The following IFFO1 variants were observed in gnomAD, a reference collection of about 807,000 sequenced individuals.
IFFO1 encodes the protein intermediate filament family orphan 1.
A neutral mutation model predicts 59.6 loss-of-function variants in IFFO1; 42 were observed. That is an observed-to-expected ratio of 0.70 (90% CI 0.55 to 0.91). The LOEUF is 0.91. IFFO1 is among the 40% of genes least tolerant of loss of function. The probability of loss-of-function intolerance (pLI) is 0.00; values close to 1 mark genes in which losing one functional copy is unlikely to be tolerated. For missense variants in IFFO1, 711 were observed against 793.2 expected (o/e 0.90, Z 1.24); for synonymous variants, 336 against 342.8 (o/e 0.98, Z 0.22).
chr12:6,540,556 C>T lies in IFFO1; in HGVS notation c.1643G>A (p.Ser548Asn). The change falls in exon 10 of 10, where the codon AGC becomes AAC. Residue 548 changes from serine (S) to asparagine (N), a missense_variant. By Grantham distance (46) the Ser-to-Asn change is conservative (BLOSUM62 1). This residue lies in a region of IFFO1 where 579 missense variants were observed against 650.3 expected (regional missense o/e 0.89). Transcript: ENST00000619571. ...KSPAFTAVPL[S>N]DPPPPPSEAE... ...CTCGCTTGGCGGCGGCGGCGGGTCGCTAAGCGGGACCGCAGTGAAAGCAGG... is the reference window on the plus strand; with the variant it reads ...CTCGCTTGGCGGCGGCGGCGGGTCGTTAAGCGGGACCGCAGTGAAAGCAGG... The T allele has an allele frequency of 6.2e-7, 1 of 1,613,930 alleles. No individual in the cohort carries two copies. The highest frequency in any genetic ancestry group is 8.5e-7 in the Non-Finnish European group (1 of 1,180,028).
intron 8 of IFFO1, among the ~76,000 whole-genome samples, chr12:6,546,405 G>A (rs1946964728): frequency 6.6e-6 from 1 of 152,266 alleles, no homozygotes; most frequent in Admixed American, 6.5e-5. Context: ...CACCAGGCCA[G>A]GAGAGCTCAC....
At position 6,555,046 on chromosome 12, in the gene IFFO1, C is replaced by T. The variant is rs958771143; in HGVS notation, c.773+211G>A. Among the ~76,000 whole-genome samples the T allele has an allele frequency of 6.6e-6, 1 of 152,254 alleles. No individual in the cohort carries two copies. The highest frequency in any genetic ancestry group is 1.5e-5 in the Non-Finnish European group (1 of 68,046). The stretch of plus-strand genomic sequence containing the variant: ...AGTAGGAATCCCCCCGTGTTCCGCT[C>T]CCAGCGTCCTTCTTCCTGTCACGAG... On this transcript the variant is annotated intron_variant, in intron 1 of 9. Coordinates refer to ENST00000619571, the MANE Select transcript of IFFO1 (RefSeq NM_001193457.2). This position sits in a 1 kb window ranked among gnomAD's most constrained non-coding sequence, Gnocchi z 8.6.
In IFFO1 at chr12:6,548,595, G is replaced by C. The variant is rs369602476; in HGVS notation, c.1263-50C>G. 8.7e-6 allele frequency: 14 copies of C among 1,613,216 alleles called. No homozygotes were observed. The East Asian group carries it at 1.6e-4, about 18-fold the overall frequency. ...AGGGCGGGCGGGGCCTCGTCCTGGCGGGGGACTGGGGAGCTCCGGCCTCCT... is the reference window on the plus strand; with the variant it reads ...AGGGCGGGCGGGGCCTCGTCCTGGCCGGGGACTGGGGAGCTCCGGCCTCCT... On this transcript the variant is annotated intron_variant, in intron 6 of 9. Transcript: ENST00000619571. The surrounding 1 kb of genome is among the most constrained non-coding windows in gnomAD (Gnocchi z 6.1).
chr12:6,552,475 A>T (rs897957710), intron 1 of IFFO1, among the ~76,000 whole-genome samples: 1 of 152,164 alleles, frequency 6.6e-6, no homozygotes, highest in African/African-American at 2.4e-5. Context: ...CACTAAGGGA[A>T]CCAGTCGCAT....
Position 6,548,634 on chromosome 12 carries a change from G to T in IFFO1, c.1262+34C>A, listed in dbSNP as rs752797648. 8 of 1,613,744 alleles carry T rather than the reference G, an allele frequency of 5.0e-6. No homozygotes were observed. In the South Asian group the frequency reaches 7.7e-5, roughly 16 times the overall value. ...CTCCGGCCTCCTGGGCTGCTGTGGC[G>T]TCGGTGCTGCGGGAGCACGGCCTGC... On this transcript the variant is annotated intron_variant, in intron 6 of 9. Transcript: ENST00000619571. This position sits in a 1 kb window ranked among gnomAD's most constrained non-coding sequence, Gnocchi z 6.1.
intron 3 of IFFO1, 148 bp downstream of exon 3, chr12:6,550,547 T>G: frequency 1.7e-6 from 1 of 601,882 alleles, no homozygotes. Flanking sequence ...TCTCTGGAGT[T>G]AGGGGTGGCT....
rs373663883 is a variant in IFFO1 at position 6,548,814 on chromosome 12, C to T, written c.1116G>A (p.Met372Ile). ...LHLSPIKVPS[M>I]GGRKRERKAA... The stretch of plus-strand genomic sequence containing the variant: ...CCTTGCGCTCCCGCTTCCGCCCCCC[C>T]ATGGATGGGACCTTAATGGGAGACA... Residue 372 changes from methionine to isoleucine, a missense_variant, in exon 6 of 10, where the codon ATG becomes ATA. By Grantham distance (10) the Met-to-Ile change is conservative. Transcript: ENST00000619571. The surrounding 1 kb of genome is among the most constrained non-coding windows in gnomAD (Gnocchi z 6.1). 1.5e-5 allele frequency: 24 copies of T among 1,612,896 alleles called. No homozygotes were observed. In the East Asian group the frequency reaches 2.7e-4, roughly 18 times the overall value.
rs753959914 is a variant in IFFO1 at position 6,548,998 on chromosome 12, C to T, written c.1081-149G>A. The T allele has an allele frequency of 1.9e-5, 13 of 681,076 alleles. No individual in the cohort carries two copies. Among genetic ancestry groups the T allele is most frequent in the African/African-American group, 1.8e-4 (10 of 55,378 alleles). 42.2% of individuals were successfully genotyped at this position (681,076 alleles called of 1,614,324 possible). On this transcript the variant is annotated intron_variant, in intron 5 of 9. Coordinates refer to ENST00000619571, the MANE Select transcript of IFFO1 (RefSeq NM_001193457.2). The surrounding 1 kb of genome is among the most constrained non-coding windows in gnomAD (Gnocchi z 6.1). ...AGTTACAATGACAGGAACAGAAACA[C>T]GGACAGTCACCAAGGGCCAGACACA...
intron 3 of IFFO1, chr12:6,550,114 C>CTGGCCAAACGGAAGCCCTGGAGGGCA (rs1265510831): frequency 4.4e-5 from 22 of 503,648 alleles, no homozygotes; most frequent in Non-Finnish European, 6.3e-5. Flanking sequence ...CCACTGCTCC[C>CTGGCCAAACGGAAGCCCTGGAGGGCA]TGGCCAAACG....
At chr12:6,547,624 G>A (rs547403561) in intron 8 of IFFO1, among the ~76,000 whole-genome samples, 2 of 152,142 alleles carry the variant, frequency 1.3e-5, no homozygotes, top group Non-Finnish European at 2.9e-5. Context: ...AGAAGGCTGG[G>A]GTGGGAGGAT....
chr12:6,549,958 G>A lies in IFFO1; in HGVS notation c.931-62C>T. On this transcript the variant is annotated intron_variant, in intron 3 of 9. Transcript: ENST00000619571. The surrounding 1 kb of genome is among the most constrained non-coding windows in gnomAD (Gnocchi z 5.0). ...CAGTTCTCCAGACAAGGACGAATTA[G>A]GCCTGGCAAGGTCCTCATCCTTCCC... 1 of 1,540,608 alleles carries A rather than the reference G, an allele frequency of 6.5e-7. No homozygotes were observed. Among genetic ancestry groups the A allele is most frequent in the Non-Finnish European group, 8.8e-7 (1 of 1,134,826 alleles).
Position 6,548,597 on chromosome 12 carries a change from G to A in IFFO1, c.1263-52C>T. ...GGCGGGCGGGGCCTCGTCCTGGCGGGGGACTGGGGAGCTCCGGCCTCCTGG... is the reference window on the plus strand; with the variant it reads ...GGCGGGCGGGGCCTCGTCCTGGCGGAGGACTGGGGAGCTCCGGCCTCCTGG... On this transcript the variant is annotated intron_variant, in intron 6 of 9. Coordinates refer to ENST00000619571, the MANE Select transcript of IFFO1 (RefSeq NM_001193457.2). The surrounding 1 kb of genome is among the most constrained non-coding windows in gnomAD (Gnocchi z 6.1). 1 of 1,613,508 alleles carries A rather than the reference G, an allele frequency of 6.2e-7. No individual in the cohort carries two copies. Among genetic ancestry groups the A allele is most frequent in the Non-Finnish European group, 8.5e-7 (1 of 1,179,618 alleles).
chr12:6,541,553 C>T lies in IFFO1; in HGVS notation c.1569G>A (p.Gln523=). 6.2e-7 allele frequency: 1 copy of T among 1,614,184 alleles called. No homozygotes were observed. Among genetic ancestry groups the T allele is most frequent in the Non-Finnish European group, 8.5e-7 (1 of 1,180,032 alleles). Residue 523 remains glutamine (Q), a synonymous_variant, in exon 9 of 10, where the codon CAG becomes CAA. Transcript: ENST00000619571. This position sits in a 1 kb window ranked among gnomAD's most constrained non-coding sequence, Gnocchi z 4.8. ...MCSMKRGLDV[Q]METCRRLITQ... is the part of the protein sequence containing the mutation. Reference sequence around the variant, plus strand: ...TGATGAGCCGGCGGCAGGTCTCCATCTGCACGTCCAGGCCGCGCTTCATGC... The same window carrying T: ...TGATGAGCCGGCGGCAGGTCTCCATTTGCACGTCCAGGCCGCGCTTCATGC...
Position 6,555,250 on chromosome 12 carries a change from T to C in IFFO1, c.773+7A>G, listed in dbSNP as rs764436766. Reference sequence around the variant, plus strand: ...AGAGAGACCTGTCCCCCTTTCCCAATCCCTACCTCCGCTTGTACTCGTCCC... The same window carrying C: ...AGAGAGACCTGTCCCCCTTTCCCAACCCCTACCTCCGCTTGTACTCGTCCC... On this transcript the variant is annotated splice_region_variant and intron_variant, in intron 1 of 9. Transcript: ENST00000619571. The surrounding 1 kb of genome is among the most constrained non-coding windows in gnomAD (Gnocchi z 8.6). The C allele has an allele frequency of 3.7e-6, 6 of 1,613,734 alleles. No individual in the cohort carries two copies. In the African/African-American group the frequency reaches 8.0e-5, roughly 22 times the overall value.
In IFFO1 at chr12:6,548,368, G is replaced by A; in HGVS notation, c.1383+57C>T. The A allele has an allele frequency of 6.4e-7, 1 of 1,567,184 alleles. No homozygotes were observed. The highest frequency in any genetic ancestry group is 8.7e-7 in the Non-Finnish European group (1 of 1,155,386). On this transcript the variant is annotated intron_variant, in intron 7 of 9. Transcript: ENST00000619571. This position sits in a 1 kb window ranked among gnomAD's most constrained non-coding sequence, Gnocchi z 6.1. Reference sequence around the variant, plus strand: ...AGAGCAAGGAGAGGAGCGGGGGAGTGGGCTTCAGGCTGGAGAGGCAGAGCC... The same window carrying A: ...AGAGCAAGGAGAGGAGCGGGGGAGTAGGCTTCAGGCTGGAGAGGCAGAGCC...
Position 6,548,512 on chromosome 12 carries a change from G to A in IFFO1, c.1296C>T (p.Ser432=), listed in dbSNP as rs773788885. 6.2e-7 allele frequency: 1 copy of A among 1,613,964 alleles called. No homozygotes were observed. The highest frequency in any genetic ancestry group is 1.3e-5 in the African/African-American group (1 of 75,040). ...REYDFEDDCD[S]LTWEETEETL... The stretch of plus-strand genomic sequence containing the variant: ...TCTCCTCAGTCTCCTCCCAAGTCAG[G>A]CTGTCACAGTCGTCCTCAAAATCAT... Residue 432 remains serine (S), a synonymous_variant, in exon 7 of 10, where the codon AGC becomes AGT. Transcript: ENST00000619571. The surrounding 1 kb of genome is among the most constrained non-coding windows in gnomAD (Gnocchi z 6.1).
chr12:6,542,342 C>T (rs549947181), intron 8 of IFFO1, among the ~76,000 whole-genome samples: 46 of 152,320 alleles, frequency 3.0e-4, no homozygotes, highest in South Asian at 2.1e-3. Flanking sequence ...TCTCCCTCCC[C>T]GGGCCCATTC....
chr12:6,549,494 A>G lies in IFFO1; in HGVS notation c.1072-10T>C, dbSNP rs1947138135. The G allele has an allele frequency of 6.2e-7, 1 of 1,611,022 alleles. No homozygotes were observed. Among genetic ancestry groups the G allele is most frequent in the African/African-American group, 1.3e-5 (1 of 74,826 alleles). On this transcript the variant is annotated splice_polypyrimidine_tract_variant and intron_variant, in intron 4 of 9. Transcript: ENST00000619571. The surrounding 1 kb of genome is among the most constrained non-coding windows in gnomAD (Gnocchi z 5.0). ...AACTAACCAGCTTCTTCTGTGGAGG[A>G]AGCAAGAGAGAAGATGAGAGGAAGA...
chr12:6,551,354 C>T, intron 1 of IFFO1: 1 of 1,195,124 alleles, frequency 8.4e-7, no homozygotes, highest in Non-Finnish European at 1.1e-6. Context: ...TGCCCACCTC[C>T]TGCCCACACC....
Sources: gnomAD v4.1 joint callset for allele counts (sites outside exome capture counted in the v4.1 genomes callset) on GRCh38, gnomAD v4.1.1 for gene constraint, gnomAD v4.1.1 regional missense constraint, Gnocchi (gnomAD v3.1) non-coding constraint, MANE v1.5 for transcripts, NCBI Gene and HGNC (gene_info 2026-07-23, HGNC 2026-07-21) for gene names.